Variants in CSF2RA observed in about 807,000 individuals in gnomAD.
CSF2RA encodes the protein granulocyte-macrophage colony-stimulating factor receptor subunit alpha.
In CSF2RA, 42 loss-of-function variants were observed where a neutral mutation model predicts 51.6. That is an observed-to-expected ratio of 0.81 (90% CI 0.64 to 1.05). The LOEUF (loss-of-function observed/expected upper bound fraction) is 1.05. Ranked by LOEUF, CSF2RA falls within the 50% of genes least tolerant of loss-of-function variation. The pLI is 0.00. For missense variants in CSF2RA, 530 were observed against 501.1 expected (o/e 1.06, Z -0.55); for synonymous variants, 222 against 193.0 (o/e 1.15, Z -1.24).
chrX:1,284,206 T>C (rs1424563102), intron 3 of CSF2RA, among the ~76,000 whole-genome samples: 1 of 137,424 alleles, frequency 7.3e-6, no homozygotes, highest in East Asian at 2.1e-4. Flanking sequence ...TTTTTTTTTT[T>C]TTTTTTTTTT....
In CSF2RA at chrX:1,309,443, C is replaced by T. The variant is rs1416366477; in HGVS notation, c.1167C>T (p.Tyr389=). 3 of 1,613,992 alleles carry T rather than the reference C, an allele frequency of 1.9e-6. No individual in the cohort carries two copies. Among genetic ancestry groups the T allele is most frequent in the South Asian group, 2.2e-5 (2 of 91,082 alleles). ...EEFTPEEGKG[Y]REEVLTVKEI... ...TCACCCCAGAGGAAGGGAAAGGCTA[C>T]CGCGAAGAGGTCTTGACCGTGAAGG... is the stretch of plus-strand genomic sequence containing the variant. The change falls in exon 13 of 13, where the codon TAC becomes TAT. Residue 389 remains tyrosine, a synonymous_variant. Coordinates refer to ENST00000381529, the MANE Select transcript of CSF2RA (RefSeq NM_172245.4).
intron 4 of CSF2RA, among the ~76,000 whole-genome samples, 177 bp downstream of exon 4, chrX:1,286,097 A>AC (rs1293641935): frequency 1.3e-5 from 2 of 151,528 alleles, no homozygotes; most frequent in African/African-American, 4.9e-5. Flanking sequence ...ACATGGTGAA[A>AC]CCCCGTCTCT....
intron 7 of CSF2RA, 40 bp from the exon 8 acceptor site, chrX:1,294,288 C>A (rs1308518646): frequency 1.2e-6 from 2 of 1,611,134 alleles, no homozygotes; most frequent in Admixed American, 1.7e-5. Context: ...GTAGACAGGA[C>A]CTCTCGGGTT....
rs2088223280 is a variant in CSF2RA at position 1,270,432 on chromosome X, TTTCACTGTG to T, written c.-91+1556_-91+1564del. Among the ~76,000 whole-genome samples the T allele has an allele frequency of 2.0e-5, 3 of 151,764 alleles. No homozygotes were observed. In the South Asian group the frequency reaches 6.2e-4, roughly 32 times the overall value. On this transcript the variant is annotated intron_variant, in intron 1 of 12. Transcript: ENST00000381529. ...ATTTGTATTTTTGTAGGGACGAGGG[TTTCACTGTG>T]TTTCCCGGGCTGGTCTTGAACTCCT...
At chrX:1,313,409 G>A (rs1395500446), downstream of CSF2RA, among the ~76,000 whole-genome samples, 2 of 151,836 alleles carry the variant, frequency 1.3e-5, no homozygotes, top group Admixed American at 6.6e-5. Flanking sequence ...ACTCCAATCT[G>A]GGTGACAGAG....
At chrX:1,278,992 G>T (rs2089554849) in intron 2 of CSF2RA, among the ~76,000 whole-genome samples, 1 of 151,458 alleles carries the variant, frequency 6.6e-6, no homozygotes, top group Non-Finnish European at 1.5e-5. Context: ...AGCCGAGATG[G>T]CGCCACTGTA....
intron 2 of CSF2RA, among the ~76,000 whole-genome samples, chrX:1,280,967 CCTCCTCCTGCTT>C: frequency 1.6e-5 from 2 of 125,036 alleles, no homozygotes; most frequent in Admixed American, 1.6e-4. Context: ...TCCTCCTTCT[CCTCCTCCTGCTT>C]CTCCTCCTCC....
chrX:1,287,111 G>C (rs1219699662), intron 4 of CSF2RA: 3 of 151,656 alleles, frequency 2.0e-5, no homozygotes, highest in Non-Finnish European at 2.9e-5. Context: ...TACACGGAGG[G>C]ATGGGTGGTC....
chrX:1,305,835 C>T, intron 12 of CSF2RA: 1 of 1,517,478 alleles, frequency 6.6e-7, no homozygotes, highest in South Asian at 1.2e-5. Context: ...CATCCCAGCA[C>T]TTTGGGAGGT....
intron 2 of CSF2RA, among the ~76,000 whole-genome samples, chrX:1,280,516 G>C (rs1199286862): frequency 4.0e-5 from 6 of 150,916 alleles, no homozygotes; most frequent in Non-Finnish European, 8.9e-5. Context: ...AAATACATTA[G>C]TTTGGTCCAT....
At chrX:1,279,216 T>C (rs1451688720) in intron 2 of CSF2RA, among the ~76,000 whole-genome samples, 51 of 150,404 alleles carry the variant, frequency 3.4e-4, no homozygotes, top group African/African-American at 1.2e-3. Context: ...CCAGGCGTGT[T>C]GGTGCGTGCC....
rs2090185663 is a variant in CSF2RA, at chrX:1,282,679, T to C, written c.-25T>C. On this transcript the variant is annotated splice_region_variant and 5_prime_UTR_variant, in exon 3 of 13. Coordinates refer to ENST00000381529, the MANE Select transcript of CSF2RA (RefSeq NM_172245.4). ...TGTGTGATATTTTCTCTCCTGCAGC[T>C]CTTCCCTTCTCTCTGACCAGCACCA... 1 of 1,602,616 alleles carries C rather than the reference T, an allele frequency of 6.2e-7. No individual in the cohort carries two copies. The highest frequency in any genetic ancestry group is 1.1e-5 in the South Asian group (1 of 90,864).
intron 12 of CSF2RA, 126 bp downstream of exon 12, chrX:1,305,653 G>A: frequency 6.2e-7 from 1 of 1,607,396 alleles, no homozygotes; most frequent in South Asian, 1.1e-5. Context: ...CACCACCGGT[G>A]TGGCTGGAAT....
Position 1,309,733 on chromosome X carries a change from A to G in CSF2RA, c.*254A>G, listed in dbSNP as rs747548697. ...GAAACCCCATCTGGACTAAAAATGC[A>G]GAAATTTACCCAGGCACGGCGGCGG... On this transcript the variant is annotated 3_prime_UTR_variant, in exon 13 of 13. Coordinates refer to ENST00000381529, the MANE Select transcript of CSF2RA (RefSeq NM_172245.4). 6.2e-6 allele frequency: 5 copies of G among 800,112 alleles called. No individual in the cohort carries two copies. Among genetic ancestry groups the G allele is most frequent in the Admixed American group, 2.1e-5 (1 of 47,768 alleles). The allele number at this position is 800,112 out of a possible 1,614,324, so 49.6% of individuals were successfully genotyped here.
At chrX:1,282,031 T>TAA (rs1202643478) in intron 2 of CSF2RA, 6,095 of 61,070 alleles carry the variant, frequency 0.1, 543 homozygotes, top group East Asian at 0.22. Flanking sequence ...CTGTTTCTAC[T>TAA]AAAAAAAAAA....
At chrX:1,278,707 A>G (rs1319162702) in intron 2 of CSF2RA, among the ~76,000 whole-genome samples, 5 of 143,254 alleles carry the variant, frequency 3.5e-5, no homozygotes, top group East Asian at 4.2e-4. Flanking sequence ...AATTCAGGGC[A>G]AGCAAGTTTA....
chrX:1,309,676 C>G lies in CSF2RA; in HGVS notation c.*197C>G. The stretch of plus-strand genomic sequence containing the variant: ...CCAAGGCAGGCGGATCACCTGAGGT[C>G]AGGAGTTCAAGACCAGCCTGCCCAA... On this transcript the variant is annotated 3_prime_UTR_variant, in exon 13 of 13. Coordinates refer to ENST00000381529, the MANE Select transcript of CSF2RA (RefSeq NM_172245.4). 7.9e-7 allele frequency: 1 copy of G among 1,265,114 alleles called. No homozygotes were observed. The highest frequency in any genetic ancestry group is 1.2e-6 in the Non-Finnish European group (1 of 864,608). The allele number at this position is 1,265,114 out of a possible 1,614,324, so 78.4% of individuals were successfully genotyped here.
intron 11 of CSF2RA, 23 bp from the exon 12 acceptor site, chrX:1,305,423 C>T: frequency 6.2e-7 from 1 of 1,613,766 alleles, no homozygotes; most frequent in Non-Finnish European, 8.5e-7. Flanking sequence ...TCATTCTCTT[C>T]ACACTTTTTC....
chrX:1,288,538 C>G lies in CSF2RA; in HGVS notation c.239C>G (p.Ser80Trp), dbSNP rs201854740. 55 of 1,613,770 alleles carry G rather than the reference C, an allele frequency of 3.4e-5. No homozygotes were observed. The highest frequency in any genetic ancestry group is 4.6e-5 in the Non-Finnish European group (54 of 1,179,864). Residue 80 changes from serine to tryptophan, a missense_variant, in exon 5 of 13, where the codon TCG becomes TGG. By Grantham distance (177) the Ser-to-Trp change is radical (BLOSUM62 -3). Coordinates refer to ENST00000381529, the MANE Select transcript of CSF2RA (RefSeq NM_172245.4). ...VEPRLSNNEC[S>W]CTFREICLHE... ...CTTCAGCTCAGTAACAACGAATGTTCGTGCACATTTCGTGAAATTTGTCTG... is the reference window on the plus strand; with the variant it reads ...CTTCAGCTCAGTAACAACGAATGTTGGTGCACATTTCGTGAAATTTGTCTG...
Sources: gnomAD v4.1 joint callset for allele counts (sites outside exome capture counted in the v4.1 genomes callset) on GRCh38, gnomAD v4.1.1 for gene constraint, MANE v1.5 for transcripts, NCBI Gene and HGNC (gene_info 2026-07-23, HGNC 2026-07-21) for gene names.